Variants in PSME4 observed in about 807,000 individuals in gnomAD.
PSME4 encodes the protein proteasome activator complex subunit 4.
PSME4 carries 89 observed loss-of-function variants against 253.9 expected under a neutral mutation model. The ratio of observed to expected loss-of-function variants is 0.35; its 90% CI spans 0.30 to 0.42. The LOEUF (loss-of-function observed/expected upper bound fraction) is 0.42. PSME4 is among the 10% of genes least tolerant of loss of function. The pLI, the probability that PSME4 is intolerant of heterozygous loss-of-function variation, is 1.00. For synonymous variants in PSME4, 851 were observed against 759.2 expected, an observed-to-expected ratio of 1.12 and a Z score of -1.99; for missense variants, 2,014 against 2,195.2, an observed-to-expected ratio of 0.92 and a Z score of 1.65.
chr2:53,957,148 G>A (rs1409633790), intron 1 of PSME4, among the ~76,000 whole-genome samples: 1 of 152,120 alleles, frequency 6.6e-6, no homozygotes, highest in Non-Finnish European at 1.5e-5. Flanking sequence ...CATTTCATGA[G>A]GAAAAGTTCT....
rs201781909 is a variant in PSME4 at position 53,920,917 on chromosome 2, T to C, written c.2234A>G (p.Lys745Arg). Reference protein sequence around the residue: ...EYCSVPGGFDKPPSEYFPIKD... With the variant: ...EYCSVPGGFDRPPSEYFPIKD... ...GATAGGAAAGTATTCAGAAGGAGGC[T>C]TGTCAAAGCCACCTGGCACACTGCA... The change falls in exon 18 of 47, where the codon AAG becomes AGG. Residue 745 changes from lysine to arginine, a missense_variant. Lys to Arg is a conservative substitution (Grantham distance 26). This residue lies in a region of PSME4 where 989 missense variants were observed against 1,021.1 expected (regional missense o/e 0.97). Coordinates refer to ENST00000404125, the MANE Select transcript of PSME4 (RefSeq NM_014614.3). 1 of 1,612,216 alleles carries C rather than the reference T, an allele frequency of 6.2e-7. No individual in the cohort carries two copies. Among genetic ancestry groups the C allele is most frequent in the Non-Finnish European group, 8.5e-7 (1 of 1,178,350 alleles).
intron 8 of PSME4, among the ~76,000 whole-genome samples, chr2:53,933,797 A>G (rs889018298): frequency 5.3e-5 from 8 of 152,240 alleles, no homozygotes; most frequent in African/African-American, 1.9e-4. Flanking sequence ...GTAGCCCCCA[A>G]AAATCCAGTT....
At chr2:53,941,488 C>T (rs1046856323) in intron 3 of PSME4, among the ~76,000 whole-genome samples, 4 of 151,848 alleles carry the variant, frequency 2.6e-5, no homozygotes, top group African/African-American at 9.7e-5. Flanking sequence ...TCCCTGAAGA[C>T]CACAGCTATG....
In PSME4 at chr2:53,920,248, G is replaced by T; in HGVS notation, c.2365C>A (p.Gln789Lys). 6.2e-7 allele frequency: 1 copy of T among 1,613,796 alleles called. No individual in the cohort carries two copies. Among genetic ancestry groups the T allele is most frequent in the Non-Finnish European group, 8.5e-7 (1 of 1,179,788 alleles). ...FAFYLLDSFL[Q>K]PELVKLQHCG... is the part of the protein sequence containing the mutation. Reference sequence around the variant, plus strand: ...TGCTGGAGTTTGACGAGCTCAGGCTGAAGAAAGGAGTCCAAAAGATAAAAG... The same window carrying T: ...TGCTGGAGTTTGACGAGCTCAGGCTTAAGAAAGGAGTCCAAAAGATAAAAG... The change falls in exon 19 of 47, where the codon CAG (glutamine) becomes AAG (lysine). Residue 789 changes from glutamine to lysine, a missense_variant. Physicochemically the swap from Gln to Lys is moderately conservative, Grantham distance 53 (BLOSUM62 1). Transcript: ENST00000404125.
At chr2:53,928,522 T>C (rs1028438444) in intron 10 of PSME4, among the ~76,000 whole-genome samples, 7 of 146,922 alleles carry the variant, frequency 4.8e-5, no homozygotes, top group Non-Finnish European at 7.5e-5. Context: ...CAAATATTTG[T>C]GTCCTGAGAA....
At chr2:53,873,238 C>CAAAAAAAAAAACAAAA (rs60203960) in intron 43 of PSME4, among the ~76,000 whole-genome samples, 1 of 123,154 alleles carries the variant, frequency 8.1e-6, no homozygotes, top group African/African-American at 3.4e-5. Context: ...GACTCCGTCT[C>CAAAAAAAAAAACAAAA]AAAAAAAAAG....
At chr2:53,885,009 T>C (rs144313970) in intron 41 of PSME4, among the ~76,000 whole-genome samples, 1 of 152,340 alleles carries the variant, frequency 6.6e-6, no homozygotes, top group East Asian at 1.9e-4. Flanking sequence ...ATAACTGTAC[T>C]GATGAATAAT....
intron 1 of PSME4, among the ~76,000 whole-genome samples, chr2:53,953,656 A>C (rs1288457657): frequency 1.3e-5 from 2 of 151,388 alleles, no homozygotes; most frequent in African/African-American, 4.9e-5. Context: ...TAGAGTGCAG[A>C]CTACCAATCT....
chr2:53,923,234 T>C, intron 15 of PSME4, 87 bp downstream of exon 15: 2 of 1,462,062 alleles, frequency 1.4e-6, no homozygotes, highest in Non-Finnish European at 1.9e-6. Flanking sequence ...CTATGCATTT[T>C]AAGCATAGAA....
In PSME4 at chr2:53,919,250, G is replaced by C; in HGVS notation, c.2421-4C>G. ...CAGACTCTGTAGAATATCATCTCTAGAAAAAAAAAAAAGACATTTTCATAT... is the reference window on the plus strand; with the variant it reads ...CAGACTCTGTAGAATATCATCTCTACAAAAAAAAAAAAGACATTTTCATAT... On this transcript the variant is annotated splice_polypyrimidine_tract_variant and splice_region_variant and intron_variant, in intron 19 of 46. Coordinates refer to ENST00000404125, the MANE Select transcript of PSME4 (RefSeq NM_014614.3). 1.6e-6 allele frequency: 2 copies of C among 1,222,504 alleles called. No homozygotes were observed. Among genetic ancestry groups the C allele is most frequent in the Non-Finnish European group, 2.2e-6 (2 of 912,802 alleles). 75.7% of individuals were successfully genotyped at this position (1,222,504 alleles called of 1,614,324 possible).
At chr2:53,968,947 C>G (rs955645549) in intron 1 of PSME4, among the ~76,000 whole-genome samples, 1 of 152,168 alleles carries the variant, frequency 6.6e-6, no homozygotes, top group Admixed American at 6.6e-5. Flanking sequence ...TGCCTTCACA[C>G]CATGGCATAT....
intron 36 of PSME4, among the ~76,000 whole-genome samples, chr2:53,890,777 G>A (rs971954112): frequency 6.6e-6 from 1 of 151,710 alleles, no homozygotes; most frequent in Non-Finnish European, 1.5e-5. Context: ...CCTGTAATCC[G>A]AGAACTTTGG....
intron 1 of PSME4, among the ~76,000 whole-genome samples, chr2:53,955,838 GT>G (rs1670210519): frequency 6.6e-6 from 1 of 152,080 alleles, no homozygotes; most frequent in African/African-American, 2.4e-5. Context: ...GGGAAGATTG[GT>G]GGGGCCTGGG....
At chr2:53,953,601 C>CT (rs5831285) in intron 1 of PSME4, among the ~76,000 whole-genome samples, 38,417 of 142,260 alleles carry the variant, frequency 0.27, 5,330 homozygotes, top group South Asian at 0.35. Context: ...AGCTGTTTGT[C>CT]TTTTTTTTTT....
At chr2:53,944,123 T>C (rs1158882218) in intron 3 of PSME4, among the ~76,000 whole-genome samples, 1 of 152,206 alleles carries the variant, frequency 6.6e-6, no homozygotes, top group Non-Finnish European at 1.5e-5. Context: ...AAACAACTTT[T>C]GTGAGAAACA....
In PSME4 at chr2:53,914,441, T is replaced by C. The variant is rs138079867; in HGVS notation, c.2517-4311A>G. Among the ~76,000 whole-genome samples, 703 of 152,354 alleles carry C rather than the reference T, an allele frequency of 4.6e-3. 10 individuals are homozygous for C. Among genetic ancestry groups the C allele is most frequent in the African/African-American group, 0.016 (667 of 41,578 alleles). ...GAGCAAAATAGGTCCTATTTTAAGA[T>C]TAATTCAACAACCTGTGATATCTGA... is the stretch of plus-strand genomic sequence containing the variant. On this transcript the variant is annotated intron_variant, in intron 20 of 46. Coordinates refer to ENST00000404125, the MANE Select transcript of PSME4 (RefSeq NM_014614.3).
At position 53,932,775 on chromosome 2, in the gene PSME4, G is replaced by A; in HGVS notation, c.958-15C>T. ...CTTGGTCCACCCTGTCCAGATAAAA[G>A]AGTAAAAATGTCAGTACCCACATCA... On this transcript the variant is annotated splice_polypyrimidine_tract_variant and intron_variant, in intron 8 of 46. Transcript: ENST00000404125. The A allele has an allele frequency of 6.3e-7, 1 of 1,596,772 alleles. No homozygotes were observed. Among genetic ancestry groups the A allele is most frequent in the Non-Finnish European group, 8.6e-7 (1 of 1,164,308 alleles).
At chr2:53,920,122 G>T in intron 19 of PSME4, 71 bp downstream of exon 19, 1 of 1,317,118 alleles carries the variant, frequency 7.6e-7, no homozygotes, top group Non-Finnish European at 1.0e-6. Context: ...CATGAGATAT[G>T]CCACAGATAA....
chr2:53,887,549 A>T (rs1477440175), intron 39 of PSME4, 82 bp from the exon 40 acceptor site: 2 of 1,270,062 alleles, frequency 1.6e-6, no homozygotes, highest in African/African-American at 3.0e-5. Flanking sequence ...ACCCAATCAA[A>T]GTAAACTGTC....
Sources: allele counts gnomAD v4.1 joint callset (sites outside exome capture counted in the v4.1 genomes callset), GRCh38; gene constraint gnomAD v4.1.1; regional missense constraint gnomAD v4.1.1; transcripts MANE v1.5; gene names NCBI Gene and HGNC (gene_info 2026-07-23, HGNC 2026-07-21).